The following SELENOK variants were observed in gnomAD, a reference collection of about 807,000 sequenced individuals.
SELENOK encodes the protein selenoprotein K.
In SELENOK, 11 loss-of-function variants were observed where a neutral mutation model predicts 17.3. That is an observed-to-expected ratio of 0.63 (90% confidence interval 0.40 to 1.05). The LOEUF is 1.05. Ranked by LOEUF, SELENOK falls within the 50% of genes least tolerant of loss-of-function variation. The pLI is 0.00. For missense variants in SELENOK, 125 were observed against 113.9 expected (o/e 1.10, Z -0.44); for synonymous variants, 45 against 35.4 (o/e 1.27, Z -0.97).
chr3:53,888,496 A>G lies in SELENOK; in HGVS notation c.20-13T>C. On this transcript the variant is annotated splice_polypyrimidine_tract_variant and intron_variant, in intron 1 of 4. Coordinates refer to ENST00000495461, the MANE Select transcript of SELENOK (RefSeq NM_021237.5). ...TCCAACACTTGTCCTACAGATAAGA[A>G]TTAAAGAAACTTTAGTGAGTGCTAC... 2 of 1,584,024 alleles carry G rather than the reference A, an allele frequency of 1.3e-6. No individual in the cohort carries two copies. Among genetic ancestry groups the G allele is most frequent in the Non-Finnish European group, 1.7e-6 (2 of 1,157,760 alleles).
intron 2 of SELENOK, chr3:53,888,192 A>G (rs1700140370): frequency 2.0e-6 from 1 of 498,820 alleles, no homozygotes; most frequent in South Asian, 2.5e-5. Context: ...CAATCCAACT[A>G]ACATATACTC....
chr3:53,886,745 G>A (rs1001411475), intron 3 of SELENOK, 106 bp downstream of exon 3: 23 of 625,538 alleles, frequency 3.7e-5, no homozygotes, highest in Non-Finnish European at 5.7e-5. Flanking sequence ...TTGTAAAATA[G>A]GATTTAAACT....
At chr3:53,889,263 G>A (rs1347258285) in intron 1 of SELENOK, among the ~76,000 whole-genome samples, 1 of 152,062 alleles carries the variant, frequency 6.6e-6, no homozygotes, top group African/African-American at 2.4e-5. Context: ...ATTAAACCCT[G>A]ATTCCCATTA....
Position 53,891,859 on chromosome 3 carries a change from C to T in SELENOK, c.-71G>A. On this transcript the variant is annotated 5_prime_UTR_variant, in exon 1 of 5. Coordinates refer to ENST00000495461, the MANE Select transcript of SELENOK (RefSeq NM_021237.5). ...GTCGGTTTCTGTATCTCCCTCTGCT[C>T]CCCGCCCTTCGAGCGTCACAGGCCG... The T allele has an allele frequency of 4.5e-6, 7 of 1,546,418 alleles. No homozygotes were observed. The highest frequency in any genetic ancestry group is 6.2e-6 in the Non-Finnish European group (7 of 1,120,264).
chr3:53,885,568 G>T lies in SELENOK; in HGVS notation c.282-7C>A. On this transcript the variant is annotated splice_region_variant and splice_polypyrimidine_tract_variant and intron_variant, in intron 4 of 4. Coordinates refer to ENST00000495461, the MANE Select transcript of SELENOK (RefSeq NM_021237.5). ...TCTTAGAGCAGACATTTACCTGAAAGAAAATGTTACAATAATTAGTTACTG... is the reference window on the plus strand; with the variant it reads ...TCTTAGAGCAGACATTTACCTGAAATAAAATGTTACAATAATTAGTTACTG... The T allele has an allele frequency of 6.2e-7, 1 of 1,610,208 alleles. No individual in the cohort carries two copies. The highest frequency in any genetic ancestry group is 8.5e-7 in the Non-Finnish European group (1 of 1,177,704).
chr3:53,886,691 A>G (rs755611307), intron 3 of SELENOK, among the ~76,000 whole-genome samples, 160 bp downstream of exon 3: 4 of 152,262 alleles, frequency 2.6e-5, no homozygotes, highest in Non-Finnish European at 5.9e-5. Flanking sequence ...ATTATTATCA[A>G]ATCAGAAGCA....
At chr3:53,885,736 T>C in intron 4 of SELENOK, 90 bp downstream of exon 4, 3 of 1,241,750 alleles carry the variant, frequency 2.4e-6, no homozygotes, top group Non-Finnish European at 3.5e-6. Context: ...TGAGTAATTA[T>C]AAGCTGCTGG....
intron 1 of SELENOK, among the ~76,000 whole-genome samples, chr3:53,891,415 T>G (rs1015224642): frequency 6.6e-6 from 1 of 152,160 alleles, no homozygotes; most frequent in Non-Finnish European, 1.5e-5. Context: ...GCACAAGCGC[T>G]ACGTGTACAG....
In SELENOK at chr3:53,891,809, C is replaced by T. The variant is rs758880570; in HGVS notation, c.-21G>A. The T allele has an allele frequency of 4.3e-6, 7 of 1,613,808 alleles. No homozygotes were observed. The highest frequency in any genetic ancestry group is 1.1e-5 in the South Asian group (1 of 91,080). On this transcript the variant is annotated 5_prime_UTR_variant, in exon 1 of 5. Coordinates refer to ENST00000495461, the MANE Select transcript of SELENOK (RefSeq NM_021237.5). ...ACCATCTTGTCCCACTTCCCCGCTT[C>T]GGAGCCACCGGGCGCCTGGCCCCTG...
In SELENOK at chr3:53,885,818, G is replaced by C; in HGVS notation, c.281+8C>G. On this transcript the variant is annotated splice_region_variant and intron_variant, in intron 4 of 4. Transcript: ENST00000495461. Reference sequence around the variant, plus strand: ...AATCCTACAAAAGAATTTCAGATCTGAAGTTACCTTCCTCATCCACCAGCC... The same window carrying C: ...AATCCTACAAAAGAATTTCAGATCTCAAGTTACCTTCCTCATCCACCAGCC... 1 of 1,573,024 alleles carries C rather than the reference G, an allele frequency of 6.4e-7. No homozygotes were observed. Among genetic ancestry groups the C allele is most frequent in the Admixed American group, 1.8e-5 (1 of 55,426 alleles).
chr3:53,891,447 T>C (rs748076654), intron 1 of SELENOK, among the ~76,000 whole-genome samples: 2 of 152,212 alleles, frequency 1.3e-5, no homozygotes, highest in Non-Finnish European at 2.9e-5. Context: ...TTGTCCTTAC[T>C]AGTTTTAAGG....
intron 1 of SELENOK, among the ~76,000 whole-genome samples, chr3:53,888,823 G>A (rs1262213717): frequency 6.6e-6 from 1 of 152,118 alleles, no homozygotes; most frequent in African/African-American, 2.4e-5. Flanking sequence ...TTGGGAGGCC[G>A]AGGCAGGCGG....
In SELENOK at chr3:53,885,369, T is replaced by C. The variant is rs555430230; in HGVS notation, c.*189A>G. 1.3e-4 allele frequency: 67 copies of C among 530,872 alleles called. No homozygotes were observed. In the East Asian group the frequency reaches 1.7e-3, roughly 13 times the overall value. The allele number at this position is 530,872 out of a possible 1,614,324, so 32.9% of individuals were successfully genotyped here. ...AAACATCTGCATTTATGGAACTGCA[T>C]GTCAGTCAGGCCAGTTCCCTGCAGA... On this transcript the variant is annotated 3_prime_UTR_variant, in exon 5 of 5. Transcript: ENST00000495461.
intron 1 of SELENOK, among the ~76,000 whole-genome samples, chr3:53,889,484 C>G (rs1461801036): frequency 1.3e-5 from 2 of 152,188 alleles, no homozygotes; most frequent in Non-Finnish European, 1.5e-5. Flanking sequence ...TATGTATATA[C>G]TACATTTTGT....
chr3:53,886,308 C>G (rs2107088314), intron 3 of SELENOK, among the ~76,000 whole-genome samples: 1 of 152,282 alleles, frequency 6.6e-6, no homozygotes, highest in South Asian at 2.1e-4. Flanking sequence ...ACGATCTCAG[C>G]TCACTGCAAC....
At chr3:53,885,635 T>C (rs1043366494) in intron 4 of SELENOK, 74 bp from the exon 5 acceptor site, 32 of 1,441,962 alleles carry the variant, frequency 2.2e-5, no homozygotes, top group Non-Finnish European at 2.9e-5. Flanking sequence ...ACATATTACA[T>C]GTTATAAAAT....
At chr3:53,891,461 C>T in intron 1 of SELENOK, among the ~76,000 whole-genome samples, 1 of 152,328 alleles carries the variant, frequency 6.6e-6, no homozygotes, top group African/African-American at 2.4e-5. Flanking sequence ...TTTAAGGATA[C>T]CGACACCCGA....
rs765119406 is a variant in SELENOK, at chr3:53,885,902, T to C, written c.205A>G (p.Asn69Asp). ...RYDDGRGPPG[N>D]PPRRMGRINH... ...ATTCTACCCATTCTTCGGGGAGGGTTTCCTGGTGGCCTAATAAAATAAAAA... is the reference window on the plus strand; with the variant it reads ...ATTCTACCCATTCTTCGGGGAGGGTCTCCTGGTGGCCTAATAAAATAAAAA... Residue 69 changes from asparagine (N) to aspartate (D), a missense_variant, in exon 4 of 5, where the codon AAC becomes GAC. Coordinates refer to ENST00000495461, the MANE Select transcript of SELENOK (RefSeq NM_021237.5). 6.5e-7 allele frequency: 1 copy of C among 1,531,900 alleles called. No individual in the cohort carries two copies. The highest frequency in any genetic ancestry group is 8.7e-7 in the Non-Finnish European group (1 of 1,145,208). 94.9% of individuals were successfully genotyped at this position (1,531,900 alleles called of 1,614,324 possible).
At chr3:53,890,510 A>G (rs916877201) in intron 1 of SELENOK, among the ~76,000 whole-genome samples, 1 of 152,234 alleles carries the variant, frequency 6.6e-6, no homozygotes, top group African/African-American at 2.4e-5. Context: ...AAGTACGATA[A>G]AGAGTCCTAA....
Sources: gnomAD v4.1 joint callset for allele counts (sites outside exome capture counted in the v4.1 genomes callset) on GRCh38, gnomAD v4.1.1 for gene constraint, MANE v1.5 for transcripts, NCBI Gene and HGNC (gene_info 2026-07-23, HGNC 2026-07-21) for gene names.